The following PTPRU variants were observed in gnomAD, a reference collection of about 807,000 sequenced individuals.
PTPRU encodes protein tyrosine phosphatase receptor type U.
In PTPRU, 69 loss-of-function variants were observed where a neutral mutation model predicts 166.3. That is an observed-to-expected ratio of 0.41 (90% confidence interval 0.34 to 0.51). The LOEUF (loss-of-function observed/expected upper bound fraction) is 0.51, where lower values mean the gene tolerates loss of function less well. Ranked by LOEUF, PTPRU falls within the 20% of genes least tolerant of loss-of-function variation. The pLI is 0.09. For missense variants in PTPRU, 1,657 were observed against 2,013.7 expected, an observed-to-expected ratio of 0.82 and a Z score of 3.39; for synonymous variants, 793 against 814.0, an observed-to-expected ratio of 0.97 and a Z score of 0.44.
At chr1:29,292,510 T>A (rs934683058) in intron 15 of PTPRU, among the ~76,000 whole-genome samples, 4 of 152,196 alleles carry the variant, frequency 2.6e-5, no homozygotes, top group African/African-American at 9.6e-5. Context: ...AGGGCCGATG[T>A]GAAGACTAAA....
intron 15 of PTPRU, among the ~76,000 whole-genome samples, chr1:29,294,977 C>T (rs1417787366): frequency 6.6e-6 from 1 of 152,162 alleles, no homozygotes; most frequent in Non-Finnish European, 1.5e-5. Flanking sequence ...ATATCTGAAA[C>T]ATGAAGCTGT....
chr1:29,303,778 A>G lies in PTPRU; in HGVS notation c.2477-77A>G, dbSNP rs565454476. On this transcript the variant is annotated intron_variant, in intron 15 of 29. Coordinates refer to ENST00000373779, the MANE Select transcript of PTPRU (RefSeq NM_133178.4). ...GCATTGGCTGTGCCTCCCCACCCCC[A>G]TAGACCCCAGTCTCTCCAGGACCCC... The G allele has an allele frequency of 7.0e-4, 1,005 of 1,427,474 alleles. 4 individuals are homozygous for G. The African/African-American group carries it at 0.013, about 19-fold the overall frequency. The allele number at this position is 1,427,474 out of a possible 1,614,324, so 88.4% of individuals were successfully genotyped here.
At chr1:29,299,979 G>T (rs1329618601) in intron 15 of PTPRU, among the ~76,000 whole-genome samples, 8 of 152,204 alleles carry the variant, frequency 5.3e-5, no homozygotes, top group African/African-American at 9.6e-5. Context: ...GCACTCAGGG[G>T]CTTCCTTCCT....
At chr1:29,261,772 A>G (rs1334235001) in intron 7 of PTPRU, among the ~76,000 whole-genome samples, 1 of 151,578 alleles carries the variant, frequency 6.6e-6, no homozygotes, top group East Asian at 1.9e-4. Flanking sequence ...ACCTCAGGTG[A>G]TCCACCCGCC....
intron 7 of PTPRU, among the ~76,000 whole-genome samples, chr1:29,274,799 C>T (rs1024547578): frequency 1.3e-5 from 2 of 152,086 alleles, no homozygotes; most frequent in African/African-American, 4.8e-5. Context: ...ACCTGTAACC[C>T]AAGCACTTTG....
Position 29,311,336 on chromosome 1 carries a change from G to T in PTPRU, c.2858-120G>T. 2 of 881,820 alleles carry T rather than the reference G, an allele frequency of 2.3e-6. No individual in the cohort carries two copies. Among genetic ancestry groups the T allele is most frequent in the South Asian group, 3.2e-5 (2 of 62,836 alleles). The allele number at this position is 881,820 out of a possible 1,614,324, so 54.6% of individuals were successfully genotyped here. A position where few individuals can be genotyped will look rare whatever the true frequency, so the allele number is the denominator to read the frequency against. On this transcript the variant is annotated intron_variant, in intron 19 of 29. Transcript: ENST00000373779. This position sits in a 1 kb window ranked among gnomAD's most constrained non-coding sequence, Gnocchi z 4.1. The stretch of plus-strand genomic sequence containing the variant: ...AGCTGGGTGTTGTGGGCAGCATGAA[G>T]CCCCCGTTGGGGCTCAGGAGGCCTC...
Position 29,236,553 on chromosome 1 carries a change from G to A in PTPRU, c.-92G>A, listed in dbSNP as rs1683768771. 3.0e-6 allele frequency: 3 copies of A among 1,011,726 alleles called. No individual in the cohort carries two copies. The highest frequency in any genetic ancestry group is 3.7e-6 in the Non-Finnish European group (3 of 813,304). The allele number at this position is 1,011,726 out of a possible 1,614,324, so 62.7% of individuals were successfully genotyped here. On this transcript the variant is annotated 5_prime_UTR_variant, in exon 1 of 30. Coordinates refer to ENST00000373779, the MANE Select transcript of PTPRU (RefSeq NM_133178.4). This position sits in a 1 kb window ranked among gnomAD's most constrained non-coding sequence, Gnocchi z 4.6. ...GCTCCGCGCCGCGCCGCTCCGCTCCGGCTCGGGCTCCGGCTCGCCTCGGGC... is the reference window on the plus strand; with the variant it reads ...GCTCCGCGCCGCGCCGCTCCGCTCCAGCTCGGGCTCCGGCTCGCCTCGGGC...
At chr1:29,321,553 G>A (rs1040929650) in intron 26 of PTPRU, among the ~76,000 whole-genome samples, 5 of 152,212 alleles carry the variant, frequency 3.3e-5, no homozygotes, top group African/African-American at 1.2e-4. Context: ...TGCTCTTTTA[G>A]TCACTCCACT....
rs768428101 is a variant in PTPRU at position 29,259,520 on chromosome 1, A to G, written c.631A>G (p.Met211Val). ...NAGQNASFQC[M>V]AAGRAAEAER... Reference sequence around the variant, plus strand: ...GGGCCAGAACGCGTCGTTCCAGTGCATGGCCGCGGGCAGAGCGGCCGAGGC... The same window carrying G: ...GGGCCAGAACGCGTCGTTCCAGTGCGTGGCCGCGGGCAGAGCGGCCGAGGC... The change falls in exon 5 of 30, where the codon ATG (methionine) becomes GTG (valine). Residue 211 changes from methionine (M) to valine (V), a missense_variant. Coordinates refer to ENST00000373779, the MANE Select transcript of PTPRU (RefSeq NM_133178.4). 2.8e-6 allele frequency: 4 copies of G among 1,452,156 alleles called. No individual in the cohort carries two copies. The African/African-American group carries it at 4.4e-5, about 16-fold the overall frequency. The allele number at this position is 1,452,156 out of a possible 1,614,324, so 90.0% of individuals were successfully genotyped here. A position where few individuals can be genotyped will look rare whatever the true frequency, so the allele number is the denominator to read the frequency against.
chr1:29,246,297 G>C (rs150795083), intron 1 of PTPRU, among the ~76,000 whole-genome samples: 1 of 152,212 alleles, frequency 6.6e-6, no homozygotes, highest in African/African-American at 2.4e-5. Flanking sequence ...GTAGGCTGGC[G>C]TCCTTTTCCA....
At chr1:29,269,680 C>G (rs994065404) in intron 7 of PTPRU, among the ~76,000 whole-genome samples, 1 of 152,086 alleles carries the variant, frequency 6.6e-6, no homozygotes, top group Non-Finnish European at 1.5e-5. Flanking sequence ...TGAAACTCCC[C>G]TCGCACTATA....
At chr1:29,293,335 C>T (rs900946636) in intron 15 of PTPRU, among the ~76,000 whole-genome samples, 4 of 152,024 alleles carry the variant, frequency 2.6e-5, no homozygotes, top group East Asian at 3.9e-4. Flanking sequence ...CTGTTAGCCA[C>T]GCTGGTCTCG....
chr1:29,301,757 C>G (rs549678702), intron 15 of PTPRU, among the ~76,000 whole-genome samples: 1 of 152,216 alleles, frequency 6.6e-6, no homozygotes, highest in Non-Finnish European at 1.5e-5. Context: ...TGACAGGCCC[C>G]GGTGTGTGAT....
Position 29,279,743 on chromosome 1 carries a change from C to A in PTPRU, c.1765+86C>A. The A allele has an allele frequency of 6.8e-7, 1 of 1,475,998 alleles. No homozygotes were observed. The highest frequency in any genetic ancestry group is 9.3e-7 in the Non-Finnish European group (1 of 1,071,300). The allele number at this position is 1,475,998 out of a possible 1,614,324, so 91.4% of individuals were successfully genotyped here. A position where few individuals can be genotyped will look rare whatever the true frequency, so the allele number is the denominator to read the frequency against. On this transcript the variant is annotated intron_variant, in intron 10 of 29. Coordinates refer to ENST00000373779, the MANE Select transcript of PTPRU (RefSeq NM_133178.4). This position sits in a 1 kb window ranked among gnomAD's most constrained non-coding sequence, Gnocchi z 5.2. The stretch of plus-strand genomic sequence containing the variant: ...TGGGCAGAAGGGAAATGGGGGGCAT[C>A]CTGGGGGTAGTTACAGAGGGCCCCT...
In PTPRU at chr1:29,311,273, A is replaced by G. The variant is rs936199032; in HGVS notation, c.2858-183A>G. On this transcript the variant is annotated intron_variant, in intron 19 of 29. Transcript: ENST00000373779. The surrounding 1 kb of genome is among the most constrained non-coding windows in gnomAD (Gnocchi z 4.1). ...TTTAGCCAGGCCCTCTCCTGATGCT[A>G]CCCAACCTCAGGGCCCTACAGGCAT... 2 of 620,954 alleles carry G rather than the reference A, an allele frequency of 3.2e-6. No homozygotes were observed. Among genetic ancestry groups the G allele is most frequent in the Non-Finnish European group, 2.8e-6 (1 of 354,250 alleles). The allele number at this position is 620,954 out of a possible 1,614,324, so 38.5% of individuals were successfully genotyped here. A position where few individuals can be genotyped will look rare whatever the true frequency, so the allele number is the denominator to read the frequency against.
intron 7 of PTPRU, among the ~76,000 whole-genome samples, chr1:29,266,010 GTTTTTTTTT>G (rs34163524): frequency 3.8e-5 from 3 of 79,200 alleles, no homozygotes; most frequent in Admixed American, 1.8e-4. Context: ...TTTCTCCTGG[GTTTTTTTTT>G]TTTTTTTTTT....
intron 7 of PTPRU, among the ~76,000 whole-genome samples, chr1:29,263,880 A>G (rs1462406020): frequency 1.3e-5 from 2 of 152,102 alleles, no homozygotes; most frequent in Admixed American, 6.6e-5. Context: ...GATTATTTAT[A>G]TATTCTGAGT....
At position 29,253,089 on chromosome 1, in the gene PTPRU, T is replaced by C. The variant is rs1338547491; in HGVS notation, c.74-2186T>C. ...AGCTCACAGAACTCAGGGAAACACA[T>C]TAACTGGTTAATTATAAAGGATATT... On this transcript the variant is annotated intron_variant, in intron 1 of 29. Transcript: ENST00000373779. Among the ~76,000 whole-genome samples, 6 of 152,214 alleles carry C rather than the reference T, an allele frequency of 3.9e-5. No homozygotes were observed. In the South Asian group the frequency reaches 6.2e-4, roughly 16 times the overall value.
In PTPRU at chr1:29,279,156, G is replaced by A. The variant is rs777285251; in HGVS notation, c.1563+35G>A. 1.9e-5 allele frequency: 29 copies of A among 1,496,388 alleles called. No homozygotes were observed. The East Asian group carries it at 6.9e-4, about 35-fold the overall frequency. 92.7% of individuals were successfully genotyped at this position (1,496,388 alleles called of 1,614,324 possible). Reference sequence around the variant, plus strand: ...GGACCCTATTACAGTGGGGGACCCTGGTGGAAGGTGAGAGGTGGCCCTCTT... The same window carrying A: ...GGACCCTATTACAGTGGGGGACCCTAGTGGAAGGTGAGAGGTGGCCCTCTT... On this transcript the variant is annotated intron_variant, in intron 9 of 29. Coordinates refer to ENST00000373779, the MANE Select transcript of PTPRU (RefSeq NM_133178.4). The surrounding 1 kb of genome is among the most constrained non-coding windows in gnomAD (Gnocchi z 5.2).
Sources: gnomAD v4.1 joint callset for allele counts (sites outside exome capture counted in the v4.1 genomes callset) on GRCh38, gnomAD v4.1.1 for gene constraint, Gnocchi (gnomAD v3.1) non-coding constraint, MANE v1.5 for transcripts, NCBI Gene and HGNC (gene_info 2026-07-23, HGNC 2026-07-21) for gene names.